Variants in PDE7B observed in about 807,000 individuals in gnomAD.
The protein encoded by PDE7B is 3',5'-cyclic-AMP phosphodiesterase 7B.
PDE7B carries 29 observed loss-of-function variants against 56.2 expected under a neutral mutation model. That is an observed-to-expected ratio of 0.52 (90% CI 0.38 to 0.70). PDE7B has a LOEUF of 0.70. Ranked by LOEUF, PDE7B falls within the 30% of genes least tolerant of loss-of-function variation. The probability of loss-of-function intolerance (pLI) is 0.00; values close to 1 mark genes in which losing one functional copy is unlikely to be tolerated. For missense variants in PDE7B, 490 were observed against 565.0 expected (o/e 0.87, Z 1.35); for synonymous variants, 197 against 196.9 (o/e 1.00, Z 0.00).
chr6:135,853,719 G>A (rs1305858121), intron 1 of PDE7B, among the ~76,000 whole-genome samples: 2 of 151,334 alleles, frequency 1.3e-5, no homozygotes, highest in Non-Finnish European at 2.9e-5. Flanking sequence ...CAAATTAGCT[G>A]GGAGAATTTT....
intron 2 of PDE7B, among the ~76,000 whole-genome samples, chr6:135,965,249 T>G (rs1774976328): frequency 6.6e-6 from 1 of 152,130 alleles, no homozygotes; most frequent in Non-Finnish European, 1.5e-5. Context: ...GTAACAGTGG[T>G]AGAGGCGGAG....
chr6:135,926,296 C>A (rs553057227), intron 1 of PDE7B, among the ~76,000 whole-genome samples: 2 of 152,068 alleles, frequency 1.3e-5, no homozygotes, highest in East Asian at 1.9e-4. Context: ...ACCGTGTTAG[C>A]CAGGATGGTC....
intron 2 of PDE7B, among the ~76,000 whole-genome samples, chr6:136,048,235 G>A (rs566194487): frequency 1.3e-5 from 2 of 152,144 alleles, no homozygotes; most frequent in Admixed American, 6.5e-5. Context: ...CAAGAAAGGA[G>A]ATGATGGGCT....
intron 1 of PDE7B, among the ~76,000 whole-genome samples, chr6:135,935,793 T>C (rs1216905085): frequency 2.0e-5 from 3 of 152,222 alleles, no homozygotes; most frequent in Non-Finnish European, 4.4e-5. Context: ...CTCCAAAATA[T>C]TGGATTTTCT....
rs1472701664 is a variant in PDE7B at position 136,155,665 on chromosome 6, A to G, written c.618A>G (p.Gly206=). 1.9e-6 allele frequency: 3 copies of G among 1,613,598 alleles called. No homozygotes were observed. Among genetic ancestry groups the G allele is most frequent in the South Asian group, 1.1e-5 (1 of 91,072 alleles). Residue 206 remains glycine (G), a synonymous_variant, in exon 8 of 13, where the codon GGA becomes GGG. Coordinates refer to ENST00000308191, the MANE Select transcript of PDE7B (RefSeq NM_018945.4). Reference sequence around the variant, plus strand: ...TCACGCCTCTGGACATCATGCTTGGACTGCTGGCTGCAGCAGCACACGATG... The same window carrying G: ...TCACGCCTCTGGACATCATGCTTGGGCTGCTGGCTGCAGCAGCACACGATG... ...SFLTPLDIML[G]LLAAAAHDVD...
chr6:136,195,455 G>GAAAAAAAAA lies in PDE7B; in HGVS notation c.*3629_*3637dup, dbSNP rs559769128. On this transcript the variant is annotated 3_prime_UTR_variant, in exon 13 of 13. Transcript: ENST00000308191. ...CATTTTGTATACACATGTGAGGTTT[G>GAAAAAAAAA]AAAAAAAAAAAAAAAAAAAAAAGAA... 4.1e-4 allele frequency: 28 copies of GAAAAAAAAA among 68,966 alleles called. 1 individual carries two copies. The highest frequency in any genetic ancestry group is 9.5e-4 in the African/African-American group (22 of 23,278). The allele number at this position is 68,966 out of a possible 1,614,324, so 4.3% of individuals were successfully genotyped here.
intron 2 of PDE7B, among the ~76,000 whole-genome samples, chr6:136,096,719 A>G (rs1223468461): frequency 6.6e-6 from 1 of 152,122 alleles, no homozygotes; most frequent in African/African-American, 2.4e-5. Context: ...TTCAGTGATC[A>G]TAGTTGACCA....
chr6:135,952,277 TG>T (rs1269389111), intron 2 of PDE7B, among the ~76,000 whole-genome samples: 2 of 152,226 alleles, frequency 1.3e-5, no homozygotes, highest in Non-Finnish European at 2.9e-5. Flanking sequence ...TTATTACTGA[TG>T]ATACCAATGG....
intron 11 of PDE7B, among the ~76,000 whole-genome samples, chr6:136,184,168 G>T (rs940336219): frequency 2.0e-5 from 3 of 152,198 alleles, no homozygotes; most frequent in Non-Finnish European, 4.4e-5. Flanking sequence ...GGTAGTCTAT[G>T]CTTTGTACTC....
chr6:136,062,887 C>A (rs1296113226), intron 2 of PDE7B, among the ~76,000 whole-genome samples: 1 of 152,132 alleles, frequency 6.6e-6, no homozygotes, highest in Non-Finnish European at 1.5e-5. Context: ...ATCTCAGATT[C>A]TTGTGGAGCA....
chr6:136,082,985 G>A (rs983254589), intron 2 of PDE7B, among the ~76,000 whole-genome samples: 10 of 152,158 alleles, frequency 6.6e-5, no homozygotes, highest in Non-Finnish European at 1.5e-4. Flanking sequence ...AAGAGGAATT[G>A]GTTTAAAAGG....
At chr6:136,010,625 G>C (rs1234413445) in intron 2 of PDE7B, among the ~76,000 whole-genome samples, 1 of 151,674 alleles carries the variant, frequency 6.6e-6, no homozygotes, top group African/African-American at 2.4e-5. Flanking sequence ...ATGTATTTTT[G>C]CTTGTTTTTT....
chr6:136,048,085 T>TAGACAGACAGACAGAC (rs1462650312), intron 2 of PDE7B, among the ~76,000 whole-genome samples: 1 of 134,942 alleles, frequency 7.4e-6, no homozygotes, highest in South Asian at 2.7e-4. Context: ...GATGGATAGA[T>TAGACAGACAGACAGAC]AGATAGACAG....
At chr6:136,163,359 T>C (rs1278110754) in intron 8 of PDE7B, among the ~76,000 whole-genome samples, 1 of 152,236 alleles carries the variant, frequency 6.6e-6, no homozygotes, top group African/African-American at 2.4e-5. Flanking sequence ...AGCTACACTT[T>C]GGCCCCTTTT....
intron 2 of PDE7B, chr6:135,993,017 T>C (rs1405776168): frequency 3.3e-5 from 5 of 152,212 alleles, no homozygotes; most frequent in African/African-American, 1.2e-4. Flanking sequence ...TGAAACCCTT[T>C]AGTGGTCCAA....
chr6:135,910,214 G>T (rs1776188770), intron 1 of PDE7B, among the ~76,000 whole-genome samples: 1 of 152,074 alleles, frequency 6.6e-6, no homozygotes, highest in Non-Finnish European at 1.5e-5. Context: ...GAACCTCAAA[G>T]CTTACCCACT....
chr6:135,957,643 T>C (rs1774820921), intron 2 of PDE7B, among the ~76,000 whole-genome samples: 1 of 152,154 alleles, frequency 6.6e-6, no homozygotes, highest in Non-Finnish European at 1.5e-5. Flanking sequence ...TTCCGGGTAA[T>C]AGGTCTCTGA....
intron 2 of PDE7B, among the ~76,000 whole-genome samples, chr6:135,984,159 T>C (rs1369876348): frequency 6.6e-6 from 1 of 152,214 alleles, no homozygotes; most frequent in African/African-American, 2.4e-5. Flanking sequence ...CAGGAAGATT[T>C]TTCATCAGCC....
At chr6:136,037,915 G>C (rs745819929) in intron 2 of PDE7B, 119 of 1,181,262 alleles carry the variant, frequency 1.0e-4, no homozygotes, top group Non-Finnish European at 1.2e-4. Flanking sequence ...TGTCGTTCCA[G>C]CTGTAGCCTG....
Sources: allele counts gnomAD v4.1 joint callset (sites outside exome capture counted in the v4.1 genomes callset), GRCh38; gene constraint gnomAD v4.1.1; transcripts MANE v1.5; gene names NCBI Gene and HGNC (gene_info 2026-07-23, HGNC 2026-07-21).